ACCSL: variants seen among roughly 807,000 people sequenced by gnomAD.
ACCSL encodes the protein probable inactive 1-aminocyclopropane-1-carboxylate synthase-like protein 2.
A neutral mutation model predicts 61.7 loss-of-function variants in ACCSL; 55 were observed. That is an observed-to-expected ratio of 0.89 (90% confidence interval 0.72 to 1.12). ACCSL has a LOEUF of 1.12. Among genes scored for constraint, ACCSL ranks in the 50% most tolerant of loss-of-function variants. The pLI is 0.00. For synonymous variants in ACCSL, 258 were observed against 264.3 expected, an observed-to-expected ratio of 0.98 and a Z score of 0.23; for missense variants, 632 against 698.0, an observed-to-expected ratio of 0.91 and a Z score of 1.07.
chr11:44,018,394 C>G, the ACCSL span, among the ~76,000 whole-genome samples: 1 of 151,990 alleles, frequency 6.6e-6, no homozygotes, highest in East Asian at 1.9e-4. Context: ...CGCCCCAGCC[C>G]CACTCAGGCT....
chr11:43,936,759 G>T, the ACCSL span, among the ~76,000 whole-genome samples: 1 of 151,902 alleles, frequency 6.6e-6, no homozygotes, highest in East Asian at 1.9e-4. Flanking sequence ...GCGGGGAGGA[G>T]TGGTCCTGGC....
the ACCSL span, among the ~76,000 whole-genome samples, chr11:43,968,141 G>T: frequency 6.6e-6 from 1 of 152,102 alleles, no homozygotes. Flanking sequence ...GATGCTGCCA[G>T]ACACCCTACA....
chr11:44,044,034 C>T (rs947000573), upstream of ACCSL, among the ~76,000 whole-genome samples: 1 of 152,118 alleles, frequency 6.6e-6, no homozygotes, highest in Non-Finnish European at 1.5e-5. Flanking sequence ...TTTCTATATG[C>T]TGGACACAAT....
At chr11:43,972,649 G>C in the ACCSL span, among the ~76,000 whole-genome samples, 1 of 152,228 alleles carries the variant, frequency 6.6e-6, no homozygotes, top group Non-Finnish European at 1.5e-5. Flanking sequence ...AAACCCAGCA[G>C]ATTAGGAGAT....
the ACCSL span, chr11:43,926,596 A>G: frequency 2.7e-6 from 1 of 377,276 alleles, no homozygotes; most frequent in East Asian, 8.1e-5. Flanking sequence ...TACAGATAGA[A>G]GTAAACCCAT....
the ACCSL span, among the ~76,000 whole-genome samples, chr11:44,030,370 A>G: frequency 0.33 from 49,945 of 150,946 alleles, 8,601 homozygotes; most frequent in Middle Eastern, 0.41. Flanking sequence ...ATGGACACAG[A>G]CGTCCAGAAG....
Position 44,053,419 on chromosome 11 carries a change from G to A in ACCSL, c.962G>A (p.Arg321Gln), listed in dbSNP as rs751153787. 6.8e-6 allele frequency: 11 copies of A among 1,614,010 alleles called. No homozygotes were observed. Among genetic ancestry groups the A allele is most frequent in the East Asian group, 4.5e-5 (2 of 44,896 alleles). The change falls in exon 8 of 14, where the codon CGA becomes CAA. Residue 321 changes from arginine (R) to glutamine (Q), a missense_variant. Transcript: ENST00000378832. ...GGTTTTTCTTAGGGGAAAAAGGTCC[G>A]AGGCCTTGTGCTAATCAACCCTCAG... ...LEARLEGKKV[R>Q]GLVLINPQNP...
intron 9 of ACCSL, 72 bp from the exon 10 acceptor site, chr11:44,055,967 TC>T (rs1005018236): frequency 6.4e-7 from 1 of 1,570,490 alleles, no homozygotes. Flanking sequence ...AAATCTACTT[TC>T]CCCTCTTATA....
the ACCSL span, among the ~76,000 whole-genome samples, chr11:44,033,841 C>A: frequency 6.6e-6 from 1 of 152,064 alleles, no homozygotes; most frequent in Non-Finnish European, 1.5e-5. Context: ...ACAGCTTATT[C>A]ATATTTGAAG....
At chr11:43,945,840 C>A in the ACCSL span, among the ~76,000 whole-genome samples, 2 of 152,002 alleles carry the variant, frequency 1.3e-5, no homozygotes, top group Admixed American at 6.6e-5. Flanking sequence ...CAGAGTGAGA[C>A]CCTGTCTGAA....
At chr11:44,000,941 A>T in the ACCSL span, among the ~76,000 whole-genome samples, 1 of 152,188 alleles carries the variant, frequency 6.6e-6, no homozygotes, top group African/African-American at 2.4e-5. Flanking sequence ...GAGGAGGCTG[A>T]GGCACCGATA....
At chr11:44,042,253 GTAGAAT>G in the ACCSL span, among the ~76,000 whole-genome samples, 1 of 152,188 alleles carries the variant, frequency 6.6e-6, no homozygotes. Context: ...TAAATATATG[GTAGAAT>G]TCACCTGTGA....
chr11:43,993,138 C>T, the ACCSL span, among the ~76,000 whole-genome samples: 130,482 of 152,210 alleles, frequency 0.86, 56,095 homozygotes, highest in African/African-American at 0.92. Flanking sequence ...TACAGGGTGT[C>T]GGGCTGCTGG....
intron 3 of ACCSL, 107 bp from the exon 4 acceptor site, chr11:44,051,228 G>A: frequency 1.8e-6 from 2 of 1,102,990 alleles, no homozygotes; most frequent in East Asian, 2.4e-5. Flanking sequence ...GTAATATGAG[G>A]TTGGACTGAG....
the ACCSL span, among the ~76,000 whole-genome samples, chr11:43,924,861 G>A: frequency 7.2e-5 from 11 of 152,252 alleles, no homozygotes; most frequent in Non-Finnish European, 5.9e-5. Context: ...ATAGCTGGAG[G>A]AAGGATTCCA....
chr11:44,016,508 T>G, the ACCSL span, among the ~76,000 whole-genome samples: 4 of 152,156 alleles, frequency 2.6e-5, no homozygotes, highest in African/African-American at 9.7e-5. Flanking sequence ...GAGGTTTTTT[T>G]GGGGAAACAA....
the ACCSL span, among the ~76,000 whole-genome samples, chr11:44,018,375 G>A: frequency 1.3e-5 from 2 of 152,232 alleles, no homozygotes; most frequent in South Asian, 4.2e-4. Flanking sequence ...GATAGCAGGA[G>A]CCCCAACTCG....
the ACCSL span, among the ~76,000 whole-genome samples, chr11:43,921,377 CA>C: frequency 5.9e-5 from 9 of 152,184 alleles, no homozygotes; most frequent in South Asian, 4.2e-4. Context: ...AAAAAACAAA[CA>C]AACAAAAAAT....
the ACCSL span, among the ~76,000 whole-genome samples, chr11:43,940,417 G>A: frequency 2.7e-5 from 4 of 150,792 alleles, no homozygotes; most frequent in East Asian, 1.9e-4. Flanking sequence ...GTGCAGTGGC[G>A]CAATCTCGGC....
Sources: allele counts gnomAD v4.1 joint callset (sites outside exome capture counted in the v4.1 genomes callset), GRCh38; gene constraint gnomAD v4.1.1; transcripts MANE v1.5; gene names NCBI Gene and HGNC (gene_info 2026-07-23, HGNC 2026-07-21).